The following ABHD3 variants were observed in gnomAD, a reference collection of about 807,000 sequenced individuals.
ABHD3 encodes the protein abhydrolase domain containing 3, phospholipase, also known as phospholipase ABHD3.
A neutral mutation model predicts 48.8 loss-of-function variants in ABHD3; 46 were observed. That is an observed-to-expected ratio of 0.94 (90% CI 0.74 to 1.20). ABHD3 has a LOEUF of 1.20. Ranked by LOEUF, ABHD3 falls within the 50% of genes most tolerant of loss-of-function variation. The probability of loss-of-function intolerance (pLI) is 0.00; values close to 1 mark genes in which losing one functional copy is unlikely to be tolerated. For synonymous variants in ABHD3, 192 were observed against 183.7 expected, an observed-to-expected ratio of 1.04 and a Z score of -0.36; for missense variants, 490 against 497.8, an observed-to-expected ratio of 0.98 and a Z score of 0.15.
chr18:21,685,978 G>A (rs535138883), intron 3 of ABHD3, among the ~76,000 whole-genome samples: 208 of 152,250 alleles, frequency 1.4e-3, no homozygotes, highest in Admixed American at 2.8e-3. Context: ...GATTACAGGC[G>A]TGAGCCACCG....
chr18:21,676,092 G>A (rs142403768), intron 4 of ABHD3, among the ~76,000 whole-genome samples: 173 of 152,186 alleles, frequency 1.1e-3, no homozygotes, highest in African/African-American at 3.9e-3. Flanking sequence ...TCCAAAGGCC[G>A]TGCCTCCTAA....
chr18:21,694,945 G>A (rs763297532), intron 3 of ABHD3, among the ~76,000 whole-genome samples: 2 of 152,164 alleles, frequency 1.3e-5, no homozygotes, highest in African/African-American at 4.8e-5. Context: ...CGAGCTGCTA[G>A]TCATCTCCCA....
intron 3 of ABHD3, among the ~76,000 whole-genome samples, chr18:21,694,329 TCAAGC>T: frequency 6.6e-6 from 1 of 152,128 alleles, no homozygotes; most frequent in Non-Finnish European, 1.5e-5. Context: ...ACTCCTGACG[TCAAGC>T]GATCCGCCGG....
At chr18:21,652,927 C>T (rs2039258791) in intron 8 of ABHD3, among the ~76,000 whole-genome samples, 1 of 150,554 alleles carries the variant, frequency 6.6e-6, no homozygotes, top group Non-Finnish European at 1.5e-5. Flanking sequence ...GTGGCGCACA[C>T]CTGTAATCCC....
intron 4 of ABHD3, among the ~76,000 whole-genome samples, chr18:21,675,818 C>T (rs2039870921): frequency 6.6e-6 from 1 of 152,102 alleles, no homozygotes; most frequent in African/African-American, 2.4e-5. Flanking sequence ...AGGCCGTGGA[C>T]CTGGTAGCTC....
In ABHD3 at chr18:21,683,274, T is replaced by C. The variant is rs1011808105; in HGVS notation, c.555+646A>G. Among the ~76,000 whole-genome samples the C allele has an allele frequency of 9.2e-5, 14 of 152,296 alleles. No homozygotes were observed. The East Asian group carries it at 1.7e-3, about 19-fold the overall frequency. On this transcript the variant is annotated intron_variant, in intron 4 of 8. Transcript: ENST00000289119. The stretch of plus-strand genomic sequence containing the variant: ...CGGATTTAAAGATCAGATAGAGTGA[T>C]TTTCTAAGAGGTGAAAGATCTATCC...
chr18:21,685,048 T>C (rs1202135491), intron 3 of ABHD3, among the ~76,000 whole-genome samples: 1 of 152,214 alleles, frequency 6.6e-6, no homozygotes, highest in African/African-American at 2.4e-5. Context: ...AATATGTAAC[T>C]CTCATTTAAC....
rs977128437 is a variant in ABHD3 at position 21,702,492 on chromosome 18, A to G, written c.333T>C (p.Leu111=). Residue 111 remains leucine (L), a synonymous_variant, in exon 3 of 9, where the codon CTT becomes CTC. Transcript: ENST00000289119. ...TCTGTCCTCCATCTGCAGTTTTAAT[A>G]AGTTCACTGAAAGGAATAATTCAGA... The part of the protein sequence containing the change: ...SKPPVQYRNE[L]IKTADGGQIS... The G allele has an allele frequency of 6.3e-7, 1 of 1,592,340 alleles. No individual in the cohort carries two copies. The highest frequency in any genetic ancestry group is 8.6e-7 in the Non-Finnish European group (1 of 1,167,188).
At chr18:21,702,272 T>C (rs781501465) in intron 3 of ABHD3, 44 bp downstream of exon 3, 2 of 1,440,842 alleles carry the variant, frequency 1.4e-6, no homozygotes, top group Non-Finnish European at 9.3e-7. Context: ...TTGTACTTCA[T>C]TTGGAATGGA....
intron 3 of ABHD3, among the ~76,000 whole-genome samples, chr18:21,700,952 CAAAAAAAAAAAA>C (rs34993965): frequency 7.3e-5 from 6 of 81,664 alleles, no homozygotes; most frequent in East Asian, 3.9e-4. Context: ...GATTTGGCCT[CAAAAAAAAAAAA>C]AAAAAAAAAA....
chr18:21,668,879 C>T (rs1598524409), intron 4 of ABHD3, among the ~76,000 whole-genome samples: 1 of 152,144 alleles, frequency 6.6e-6, no homozygotes, highest in East Asian at 1.9e-4. Context: ...AATAGTATAG[C>T]CGTATAGCCC....
At chr18:21,676,686 C>T (rs1333747728) in intron 4 of ABHD3, among the ~76,000 whole-genome samples, 2 of 152,220 alleles carry the variant, frequency 1.3e-5, no homozygotes, top group Non-Finnish European at 2.9e-5. Flanking sequence ...CCACCGCATC[C>T]GGCCTTAAGT....
intron 2 of ABHD3, 86 bp from the exon 3 acceptor site, chr18:21,702,584 C>T (rs1438762585): frequency 4.2e-6 from 5 of 1,199,944 alleles, no homozygotes; most frequent in South Asian, 1.8e-5. Flanking sequence ...ACATTATTTG[C>T]TCATCAAAAA....
chr18:21,684,421 C>T (rs1401821652), intron 3 of ABHD3, among the ~76,000 whole-genome samples: 2 of 144,550 alleles, frequency 1.4e-5, no homozygotes, highest in East Asian at 2.0e-4. Context: ...AGGGTTCAAG[C>T]GATTCTCCTG....
intron 4 of ABHD3, among the ~76,000 whole-genome samples, chr18:21,679,038 ATTT>A (rs1444261247): frequency 6.6e-6 from 1 of 152,152 alleles, no homozygotes; most frequent in African/African-American, 2.4e-5. Context: ...CCTAAATTTC[ATTT>A]CAGCTTTGCT....
Position 21,685,851 on chromosome 18 carries a change from C to T in ABHD3, c.510-1886G>A, listed in dbSNP as rs139944602. On this transcript the variant is annotated intron_variant, in intron 3 of 8. Coordinates refer to ENST00000289119, the MANE Select transcript of ABHD3 (RefSeq NM_138340.5). ...TAGCTGGGATAACAGGCACGTGCCA[C>T]CACGCCCGGCTAATTTTTGTACTTT... Among the ~76,000 whole-genome samples, 1,414 of 152,318 alleles carry T rather than the reference C, an allele frequency of 9.3e-3. 11 individuals carry two copies. The highest frequency in any genetic ancestry group is 0.015 in the Non-Finnish European group (1,025 of 68,022).
chr18:21,659,149 C>G (rs1232407448), intron 6 of ABHD3, 21 bp downstream of exon 6: 1 of 1,605,792 alleles, frequency 6.2e-7, no homozygotes, highest in Non-Finnish European at 8.5e-7. Flanking sequence ...CTGGAGACAA[C>G]AGATTTTAAA....
intron 3 of ABHD3, among the ~76,000 whole-genome samples, chr18:21,696,153 T>G (rs1317494844): frequency 2.7e-5 from 4 of 149,818 alleles, no homozygotes; most frequent in African/African-American, 5.0e-5. Flanking sequence ...CTTGTTTTTT[T>G]TTTTTTTTGA....
chr18:21,688,525 C>T (rs2040176768), intron 3 of ABHD3, among the ~76,000 whole-genome samples: 1 of 151,072 alleles, frequency 6.6e-6, no homozygotes, highest in South Asian at 2.1e-4. Context: ...TGAGTTAGAG[C>T]CTGTAGTAGA....
Sources: allele counts gnomAD v4.1 joint callset (sites outside exome capture counted in the v4.1 genomes callset), GRCh38; gene constraint gnomAD v4.1.1; transcripts MANE v1.5; gene names NCBI Gene and HGNC (gene_info 2026-07-23, HGNC 2026-07-21).